Variants in AVEN observed in about 807,000 individuals in gnomAD.
AVEN encodes apoptosis and caspase activation inhibitor, also known as cell death regulator Aven.
AVEN carries 41 observed loss-of-function variants against 38.1 expected under a neutral mutation model. The ratio of observed to expected loss-of-function variants is 1.08; its 90% CI spans 0.84 to 1.40. The LOEUF is 1.40. Ranked by LOEUF, AVEN falls within the 40% of genes most tolerant of loss-of-function variation. The probability of loss-of-function intolerance (pLI) is 0.00; values close to 1 mark genes in which losing one functional copy is unlikely to be tolerated. For missense variants in AVEN, 605 were observed against 438.8 expected (o/e 1.38, Z -3.38); for synonymous variants, 206 against 171.8 (o/e 1.20, Z -1.56).
intron 2 of AVEN, among the ~76,000 whole-genome samples, chr15:33,896,447 C>T (rs1452308994): frequency 1.3e-5 from 2 of 152,132 alleles, no homozygotes; most frequent in East Asian, 3.8e-4. Flanking sequence ...TCAAAAATGC[C>T]ATGTTCTTTC....
intron 2 of AVEN, among the ~76,000 whole-genome samples, chr15:33,978,119 T>C (rs1895967395): frequency 6.6e-6 from 1 of 151,930 alleles, no homozygotes; most frequent in African/African-American, 2.4e-5. Context: ...TTTAAAAACA[T>C]AGAAATTCAA....
In AVEN at chr15:34,063,702, G is replaced by T. The variant is rs145125191; in HGVS notation, n.1127-270C>A. 590 of 1,614,180 alleles carry T rather than the reference G, an allele frequency of 3.7e-4. 6 individuals are homozygous for T. The African/African-American group carries it at 7.0e-3, about 19-fold the overall frequency. ...CCTCCAAGTGGTCTACAAGAGTCAG[G>T]GTAAGGAAAGCCCAGGGGAAGAATT... On this transcript the variant is annotated intron_variant and non_coding_transcript_variant, in intron 4 of 11. Coordinates refer to the AVEN transcript ENST00000675287. The surrounding 1 kb of genome is among the most constrained non-coding windows in gnomAD (Gnocchi z 4.1).
intron 1 of AVEN, among the ~76,000 whole-genome samples, chr15:34,010,502 C>T (rs931856965): frequency 6.6e-6 from 1 of 152,036 alleles, no homozygotes; most frequent in African/African-American, 2.4e-5. Flanking sequence ...TTTGCAGGTC[C>T]CTGGTTCTAC....
intron 2 of AVEN, among the ~76,000 whole-genome samples, chr15:33,901,737 T>TTTA (rs1242155564): frequency 1.3e-5 from 2 of 152,206 alleles, no homozygotes; most frequent in Non-Finnish European, 2.9e-5. Flanking sequence ...CATGGTAGTT[T>TTTA]TAATTTGTGT....
intron 5 of AVEN, among the ~76,000 whole-genome samples, chr15:34,062,327 G>A (rs1210431089): frequency 6.6e-6 from 1 of 152,018 alleles, no homozygotes; most frequent in Non-Finnish European, 1.5e-5. Flanking sequence ...AGGCCGAGGC[G>A]GGTGGATCAC....
At chr15:33,852,980 G>A in the AVEN span, 140 of 1,404,594 alleles carry the variant, frequency 1.0e-4, no homozygotes, top group African/African-American at 1.7e-3. Context: ...AAACTGAAAC[G>A]TTTCTTGATG....
intron 2 of AVEN, among the ~76,000 whole-genome samples, chr15:33,890,706 G>A (rs1891907420): frequency 6.6e-6 from 1 of 152,140 alleles, no homozygotes; most frequent in African/African-American, 2.4e-5. Flanking sequence ...GGAGAAAGAT[G>A]AAAAGAAACT....
intron 5 of AVEN, 144 bp downstream of exon 5, chr15:33,867,351 C>T (rs1192532663): frequency 1.3e-5 from 16 of 1,199,500 alleles, no homozygotes; most frequent in South Asian, 3.5e-5. Flanking sequence ...GAAGCAGAGA[C>T]GTGAGCACAG....
At chr15:33,853,002 A>ATGT in the AVEN span, 1 of 1,541,464 alleles carries the variant, frequency 6.5e-7, no homozygotes, top group Non-Finnish European at 8.9e-7. Flanking sequence ...GTTTTCCTTG[A>ATGT]TGTTAAGAAT....
chr15:34,056,431 A>G (rs1361017258), intron 5 of AVEN, among the ~76,000 whole-genome samples: 4 of 152,210 alleles, frequency 2.6e-5, no homozygotes, highest in Non-Finnish European at 1.5e-5. Flanking sequence ...CCTCTGAGAA[A>G]GGCTAGATAA....
intron 2 of AVEN, among the ~76,000 whole-genome samples, chr15:33,978,641 T>G (rs936696567): frequency 1.3e-5 from 2 of 151,978 alleles, no homozygotes; most frequent in Non-Finnish European, 2.9e-5. Context: ...CCAGCCTGGG[T>G]GACAGAGTGA....
At chr15:33,937,630 G>C (rs141514579) in intron 2 of AVEN, among the ~76,000 whole-genome samples, 1 of 152,156 alleles carries the variant, frequency 6.6e-6, no homozygotes, top group East Asian at 1.9e-4. Context: ...TTTAGACATG[G>C]GGCCTTTGGG....
chr15:33,880,350 G>A (rs1467216468), intron 2 of AVEN, among the ~76,000 whole-genome samples: 6 of 152,092 alleles, frequency 3.9e-5, no homozygotes, highest in Non-Finnish European at 8.8e-5. Flanking sequence ...TTCAAAAGGT[G>A]GTATTGAGAG....
At chr15:34,041,813 A>T (rs902219426), upstream of AVEN, among the ~76,000 whole-genome samples, 5 of 152,362 alleles carry the variant, frequency 3.3e-5, no homozygotes, top group East Asian at 9.6e-4. Flanking sequence ...AAAAAGTTAA[A>T]TAATTTGCTC....
intron 2 of AVEN, among the ~76,000 whole-genome samples, chr15:33,986,952 C>T (rs1244972893): frequency 1.3e-5 from 2 of 152,208 alleles, no homozygotes; most frequent in African/African-American, 4.8e-5. Context: ...CCACCGCGCC[C>T]AGCCCAGGTT....
At chr15:33,961,676 G>A (rs913986890) in intron 2 of AVEN, among the ~76,000 whole-genome samples, 37 of 151,680 alleles carry the variant, frequency 2.4e-4, no homozygotes, top group South Asian at 8.4e-4. Flanking sequence ...AGCCGGGCGT[G>A]GTGGCGGGCA....
chr15:33,873,918 A>G (rs1225786684), intron 3 of AVEN, among the ~76,000 whole-genome samples: 1 of 151,974 alleles, frequency 6.6e-6, no homozygotes, highest in Non-Finnish European at 1.5e-5. Context: ...CTTGTCTATG[A>G]GTAACCCCTG....
chr15:34,041,988 T>C (rs895249397), upstream of AVEN, among the ~76,000 whole-genome samples: 1 of 152,156 alleles, frequency 6.6e-6, no homozygotes, highest in Non-Finnish European at 1.5e-5. Context: ...CAAGAGTGTT[T>C]AGGATAGGAA....
intron 2 of AVEN, among the ~76,000 whole-genome samples, chr15:33,901,327 A>G (rs1892491451): frequency 6.6e-6 from 1 of 152,216 alleles, no homozygotes; most frequent in African/African-American, 2.4e-5. Flanking sequence ...AACAAGGACT[A>G]GATATTCACA....
Sources: allele counts gnomAD v4.1 joint callset (sites outside exome capture counted in the v4.1 genomes callset), GRCh38; gene constraint gnomAD v4.1.1; non-coding constraint Gnocchi (gnomAD v3.1); transcripts MANE v1.5; gene names NCBI Gene and HGNC (gene_info 2026-07-23, HGNC 2026-07-21).